Variants in LRP1B observed in about 807,000 individuals in gnomAD.
LRP1B encodes the protein low-density lipoprotein receptor-related protein 1B.
Under a neutral mutation model 556.6 loss-of-function variants are expected in LRP1B, and 217 were observed. The observed-to-expected ratio is 0.39, with a 90% CI of 0.35 to 0.44. The LOEUF is 0.44. LRP1B is among the 20% of genes least tolerant of loss of function. LRP1B has a pLI of 1.00. For missense variants in LRP1B, 5,053 were observed against 5,620.8 expected, an observed-to-expected ratio of 0.90 and a Z score of 3.23; for synonymous variants, 2,047 against 1,865.8, an observed-to-expected ratio of 1.10 and a Z score of -2.50.
chr2:140,843,617 A>G (rs1692188012), intron 29 of LRP1B, among the ~76,000 whole-genome samples: 1 of 152,116 alleles, frequency 6.6e-6, no homozygotes, highest in South Asian at 2.1e-4. Context: ...TAGGGAAACT[A>G]TTTAGATTTC....
chr2:140,465,500 A>T (rs1036766138), intron 60 of LRP1B, among the ~76,000 whole-genome samples: 5 of 152,190 alleles, frequency 3.3e-5, no homozygotes, highest in African/African-American at 9.7e-5. Flanking sequence ...TATTCTATGA[A>T]TAAGAACAAT....
intron 5 of LRP1B, among the ~76,000 whole-genome samples, chr2:141,238,236 T>A (rs1409087495): frequency 6.6e-6 from 1 of 152,170 alleles, no homozygotes; most frequent in Non-Finnish European, 1.5e-5. Context: ...ACCTTTCTAA[T>A]TGTAGCCAGT....
At chr2:141,158,083 C>T (rs1518800) in intron 7 of LRP1B, among the ~76,000 whole-genome samples, 104,203 of 152,006 alleles carry the variant, frequency 0.69, 36,229 homozygotes, top group Middle Eastern at 0.82. Flanking sequence ...GAAATCAGAT[C>T]TTCTCACTGA....
chr2:140,391,942 G>A (rs1387814144), intron 66 of LRP1B, among the ~76,000 whole-genome samples: 1 of 152,052 alleles, frequency 6.6e-6, no homozygotes, highest in Non-Finnish European at 1.5e-5. Flanking sequence ...CAAAGTAATG[G>A]GAAACACACC....
At chr2:140,495,527 A>G in intron 56 of LRP1B, 38 bp downstream of exon 56, 1 of 1,541,244 alleles carries the variant, frequency 6.5e-7, no homozygotes, top group Non-Finnish European at 8.9e-7. Context: ...CCATATGTAT[A>G]ACTGAGGTTG....
At chr2:142,031,336 T>TTTTTTTTTA (rs1703696063) in intron 1 of LRP1B, among the ~76,000 whole-genome samples, 1 of 137,232 alleles carries the variant, frequency 7.3e-6, no homozygotes, top group Non-Finnish European at 1.6e-5. Context: ...ACTTATTTTT[T>TTTTTTTTTA]TTTTTTTTTT....
intron 2 of LRP1B, among the ~76,000 whole-genome samples, chr2:141,644,731 A>T (rs1021160232): frequency 1.6e-5 from 2 of 125,662 alleles, no homozygotes; most frequent in African/African-American, 3.3e-5. Context: ...GTCATTGATC[A>T]CACACACACA....
At position 141,847,781 on chromosome 2, in the gene LRP1B, C is replaced by T. The variant is rs983948974; in HGVS notation, c.83-37380G>A. Among the ~76,000 whole-genome samples the T allele has an allele frequency of 2.6e-5, 4 of 151,580 alleles. No homozygotes were observed. The East Asian group carries it at 7.7e-4, about 29-fold the overall frequency. On this transcript the variant is annotated intron_variant, in intron 1 of 90. Coordinates refer to ENST00000389484, the MANE Select transcript of LRP1B (RefSeq NM_018557.3). ...TCTAATACTGTTACAAAAAGAGGCT[C>T]CAAATTTCCACCTATGTGTGAAGGT...
At chr2:141,490,567 C>T (rs938321500) in intron 2 of LRP1B, among the ~76,000 whole-genome samples, 1 of 151,722 alleles carries the variant, frequency 6.6e-6, no homozygotes, top group Non-Finnish European at 1.5e-5. Flanking sequence ...GTGGACATAG[C>T]CAAAAATTAT....
At chr2:140,781,350 GCCT>G (rs1320367808) in intron 32 of LRP1B, among the ~76,000 whole-genome samples, 2 of 152,090 alleles carry the variant, frequency 1.3e-5, no homozygotes, top group Admixed American at 6.5e-5. Context: ...ATTCTTCAAA[GCCT>G]CCTCATTATA....
intron 7 of LRP1B, among the ~76,000 whole-genome samples, chr2:141,128,922 C>T (rs1370561153): frequency 6.6e-6 from 1 of 152,038 alleles, no homozygotes; most frequent in Non-Finnish European, 1.5e-5. Context: ...TTCTAATTAC[C>T]TAAGTGCCTA....
intron 3 of LRP1B, among the ~76,000 whole-genome samples, chr2:141,360,870 C>A (rs376192027): frequency 2.8e-4 from 43 of 152,212 alleles, no homozygotes; most frequent in South Asian, 8.3e-4. Context: ...AAATATATAG[C>A]ACATTATTTA....
intron 1 of LRP1B, among the ~76,000 whole-genome samples, chr2:142,041,955 T>A (rs188878788): frequency 1.2e-4 from 18 of 151,606 alleles, no homozygotes; most frequent in African/African-American, 3.9e-4. Flanking sequence ...CTGTGCCTTG[T>A]TGTAGGGGAA....
At chr2:141,871,830 G>A (rs1314002026) in intron 1 of LRP1B, among the ~76,000 whole-genome samples, 1 of 151,926 alleles carries the variant, frequency 6.6e-6, no homozygotes, top group African/African-American at 2.4e-5. Flanking sequence ...ATGAAAAGAA[G>A]AGGAAATAAG....
chr2:141,624,062 C>CAAAAAAAAAAA, intron 2 of LRP1B, among the ~76,000 whole-genome samples: 1 of 69,106 alleles, frequency 1.4e-5, no homozygotes. Context: ...AGAAAAAAAA[C>CAAAAAAAAAAA]AAGATTAGTA....
chr2:140,897,794 G>A (rs749137354), intron 23 of LRP1B, among the ~76,000 whole-genome samples: 9 of 152,058 alleles, frequency 5.9e-5, no homozygotes, highest in Non-Finnish European at 8.8e-5. Context: ...AGGGGCTCTC[G>A]CACCTTCAGT....
chr2:140,458,535 C>T (rs1039157580), intron 60 of LRP1B, among the ~76,000 whole-genome samples: 7 of 152,018 alleles, frequency 4.6e-5, no homozygotes, highest in Admixed American at 2.6e-4. Flanking sequence ...GATGAAAATT[C>T]CCTAACTTAT....
At chr2:140,673,956 T>A (rs1685578985) in intron 41 of LRP1B, among the ~76,000 whole-genome samples, 1 of 151,106 alleles carries the variant, frequency 6.6e-6, no homozygotes, top group African/African-American at 2.4e-5. Context: ...TTTTTTTTTT[T>A]TTCTTTTTTT....
At chr2:141,373,595 A>AG (rs1488120895) in intron 3 of LRP1B, among the ~76,000 whole-genome samples, 2 of 109,166 alleles carry the variant, frequency 1.8e-5, no homozygotes, top group South Asian at 2.7e-4. Context: ...TTACATAATC[A>AG]CCTTTTTTTT....
Sources: gnomAD v4.1 joint callset for allele counts (sites outside exome capture counted in the v4.1 genomes callset) on GRCh38, gnomAD v4.1.1 for gene constraint, MANE v1.5 for transcripts, NCBI Gene and HGNC (gene_info 2026-07-23, HGNC 2026-07-21) for gene names.